The following RPTOR variants were observed in gnomAD, a reference collection of about 807,000 sequenced individuals.
RPTOR encodes the protein regulatory-associated protein of mTOR.
Under a neutral mutation model 169.9 loss-of-function variants are expected in RPTOR, and 21 were observed. That is an observed-to-expected ratio of 0.12 (90% CI 0.09 to 0.18). RPTOR has a LOEUF of 0.18. Ranked by LOEUF, RPTOR falls within the 10% of genes least tolerant of loss-of-function variation. RPTOR has a pLI of 1.00. For synonymous variants in RPTOR, 732 were observed against 753.2 expected, an observed-to-expected ratio of 0.97 and a Z score of 0.46; for missense variants, 1,133 against 1,855.9, an observed-to-expected ratio of 0.61 and a Z score of 7.16.
intron 28 of RPTOR, among the ~76,000 whole-genome samples, chr17:80,950,544 CA>C (rs200486266): frequency 2.6e-5 from 4 of 151,666 alleles, no homozygotes; most frequent in South Asian, 2.1e-4. Flanking sequence ...TTTCATCCAG[CA>C]AAAAAAATCA....
At chr17:80,597,324 A>G (rs1048785131) in intron 1 of RPTOR, among the ~76,000 whole-genome samples, 13 of 152,144 alleles carry the variant, frequency 8.5e-5, no homozygotes, top group Non-Finnish European at 1.8e-4. Context: ...GAAACCGAGC[A>G]TGGCTTTTTC....
intron 14 of RPTOR, 90 bp from the exon 15 acceptor site, chr17:80,883,328 CA>C (rs769874832): frequency 3.5e-6 from 4 of 1,138,762 alleles, no homozygotes; most frequent in Non-Finnish European, 5.3e-6. Flanking sequence ...CCACGCGTGT[CA>C]TGAAGATTCC....
chr17:80,556,761 C>G (rs1428593433), intron 1 of RPTOR, among the ~76,000 whole-genome samples: 3 of 144,702 alleles, frequency 2.1e-5, no homozygotes, highest in Non-Finnish European at 4.5e-5. Flanking sequence ...TCAGGAGTCA[C>G]AAAGAGACCA....
intron 6 of RPTOR, among the ~76,000 whole-genome samples, chr17:80,778,838 G>A (rs569969285): frequency 1.4e-4 from 22 of 152,278 alleles, no homozygotes; most frequent in African/African-American, 4.1e-4. Flanking sequence ...GGATCAGGAC[G>A]GTAAAATCAC....
chr17:80,760,182 C>T (rs2066720434), intron 6 of RPTOR, among the ~76,000 whole-genome samples: 1 of 152,028 alleles, frequency 6.6e-6, no homozygotes, highest in South Asian at 2.1e-4. Flanking sequence ...GGGGCAGACG[C>T]ACTTGGGTTA....
intron 4 of RPTOR, among the ~76,000 whole-genome samples, chr17:80,727,081 A>G (rs1367198844): frequency 6.6e-6 from 1 of 151,850 alleles, no homozygotes; most frequent in Non-Finnish European, 1.5e-5. Context: ...GTGCTCCGAG[A>G]ACGTGGACGC....
rs796246920 is a variant in RPTOR at position 80,940,955 on chromosome 17, C to T, written c.3025+354C>T. Among the ~76,000 whole-genome samples, 9 of 152,348 alleles carry T rather than the reference C, an allele frequency of 5.9e-5. 1 individual carries two copies. Among genetic ancestry groups the T allele is most frequent in the African/African-American group, 2.2e-4 (9 of 41,580 alleles). Reference sequence around the variant, plus strand: ...GCAGGTGGAACTCATGGAGGCGGAACTTTGCATGTTGACATTTCCGGAAGG... The same window carrying T: ...GCAGGTGGAACTCATGGAGGCGGAATTTTGCATGTTGACATTTCCGGAAGG... On this transcript the variant is annotated intron_variant, in intron 25 of 33. Transcript: ENST00000306801.
chr17:80,680,493 C>T (rs1023009733), intron 3 of RPTOR, among the ~76,000 whole-genome samples: 7 of 152,022 alleles, frequency 4.6e-5, no homozygotes, highest in Non-Finnish European at 8.8e-5. Flanking sequence ...ATTAGCTGGG[C>T]GCAGTGGCAG....
Position 80,820,221 on chromosome 17 carries a change from C to T in RPTOR, c.891-1980C>T, listed in dbSNP as rs545117852. On this transcript the variant is annotated intron_variant, in intron 7 of 33. Coordinates refer to ENST00000306801, the MANE Select transcript of RPTOR (RefSeq NM_020761.3). This position sits in a 1 kb window ranked among gnomAD's most constrained non-coding sequence, Gnocchi z 4.1. ...TTTGGTAAGGAGGGCAGGCAGCGCT[C>T]GGTGACAGTCCTGCAGCTTGAAAGA... 1.7e-4 allele frequency among the ~76,000 whole-genome samples: 26 copies of T among 151,012 alleles called. No individual in the cohort carries two copies. The highest frequency in any genetic ancestry group is 6.1e-4 in the African/African-American group (25 of 41,142).
In RPTOR at chr17:80,965,907, C is replaced by T. The variant is rs2069422258; in HGVS notation, c.*1577C>T. ...CCACGTCTGGGCCGAGAAAGCAGCC[C>T]GGGTCCGGAAGGTGTAGAGAGTCCC... On this transcript the variant is annotated 3_prime_UTR_variant, in exon 34 of 34. Transcript: ENST00000306801. The T allele has an allele frequency of 4.3e-6, 1 of 233,330 alleles. No homozygotes were observed. Among genetic ancestry groups the T allele is most frequent in the Non-Finnish European group, 8.5e-6 (1 of 118,080 alleles). The allele number at this position is 233,330 out of a possible 1,614,324, so 14.5% of individuals were successfully genotyped here. A position where few individuals can be genotyped will look rare whatever the true frequency, so the allele number is the denominator to read the frequency against.
chr17:80,887,548 G>A (rs1045012538), intron 17 of RPTOR, among the ~76,000 whole-genome samples: 4 of 152,188 alleles, frequency 2.6e-5, no homozygotes, highest in Admixed American at 6.5e-5. Flanking sequence ...GCGTGGAGCC[G>A]GCCCCATTCT....
Position 80,923,678 on chromosome 17 carries a change from G to T in RPTOR, c.2808+5G>T. ...TTCGACAAGGGCCCAGAGCAGGTAC[G>T]GGAGCCCGGCTGCCTGGTGATCTGG... On this transcript the variant is annotated splice_donor_5th_base_variant and intron_variant, in intron 23 of 33. Coordinates refer to ENST00000306801, the MANE Select transcript of RPTOR (RefSeq NM_020761.3). 1 of 1,581,762 alleles carries T rather than the reference G, an allele frequency of 6.3e-7. No individual in the cohort carries two copies. The highest frequency in any genetic ancestry group is 8.6e-7 in the Non-Finnish European group (1 of 1,160,528).
At position 80,822,235 on chromosome 17, in the gene RPTOR, C is replaced by G. The variant is rs2067387218; in HGVS notation, c.925C>G (p.Leu309Val). 1 of 1,614,106 alleles carries G rather than the reference C, an allele frequency of 6.2e-7. No individual in the cohort carries two copies. The highest frequency in any genetic ancestry group is 8.5e-7 in the Non-Finnish European group (1 of 1,180,034). Residue 309 changes from leucine to valine, a missense_variant, in exon 8 of 34, where the codon CTG (leucine) becomes GTG (valine). Physicochemically the swap from Leu to Val is conservative, Grantham distance 32. Around this residue, in one of 9 missense-constraint regions of RPTOR, gnomAD observed 289 missense variants for 585.8 expected, o/e 0.49. Transcript: ENST00000306801. Reference protein sequence around the residue: ...PGRLNDRRTPLGELNWIFTAI... With the variant: ...PGRLNDRRTPVGELNWIFTAI... The stretch of plus-strand genomic sequence containing the variant: ...CCGCCTGAACGACAGGAGGACGCCC[C>G]TGGGTGAACTGAACTGGATCTTCAC...
At position 80,754,945 on chromosome 17, in the gene RPTOR, T is replaced by C. The variant is rs2066665428; in HGVS notation, c.830+760T>C. Among the ~76,000 whole-genome samples, 1 of 152,228 alleles carries C rather than the reference T, an allele frequency of 6.6e-6. No individual in the cohort carries two copies. The highest frequency in any genetic ancestry group is 2.1e-4 in the South Asian group (1 of 4,830). ...CCGTGCTGTCGGCCGAGGACACTCT[T>C]GAGGCTTCTGTCAAGATGGCCTAAC... On this transcript the variant is annotated intron_variant, in intron 6 of 33. Transcript: ENST00000306801. This position sits in a 1 kb window ranked among gnomAD's most constrained non-coding sequence, Gnocchi z 4.2.
At chr17:80,614,893 G>T (rs1471404127) in intron 1 of RPTOR, among the ~76,000 whole-genome samples, 1 of 152,196 alleles carries the variant, frequency 6.6e-6, no homozygotes, top group Non-Finnish European at 1.5e-5. Flanking sequence ...CCAGGACTTG[G>T]AGGAAACTGC....
intron 17 of RPTOR, among the ~76,000 whole-genome samples, chr17:80,890,074 G>A (rs2068300870): frequency 6.8e-6 from 1 of 148,138 alleles, no homozygotes. Flanking sequence ...GTGTGTTCAG[G>A]AGTGAGGGAT....
intron 1 of RPTOR, among the ~76,000 whole-genome samples, chr17:80,578,217 G>T (rs189997389): frequency 6.6e-6 from 1 of 152,266 alleles, no homozygotes; most frequent in African/African-American, 2.4e-5. Flanking sequence ...TGAGTGGTTG[G>T]GGGGGTGGTA....
intron 1 of RPTOR, chr17:80,593,666 A>G (rs1393672610): frequency 1.3e-5 from 2 of 152,374 alleles, no homozygotes; most frequent in East Asian, 3.8e-4. Context: ...ATACAATTGC[A>G]AAGGTGAGAA....
At chr17:80,554,742 T>TCAAAACAAAA (rs147306840) in intron 1 of RPTOR, among the ~76,000 whole-genome samples, 11,632 of 143,732 alleles carry the variant, frequency 0.081, 588 homozygotes, top group East Asian at 0.25. Context: ...AGACTCTGTC[T>TCAAAACAAAA]CAAAACAAAA....
Sources: gnomAD v4.1 joint callset for allele counts (sites outside exome capture counted in the v4.1 genomes callset) on GRCh38, gnomAD v4.1.1 for gene constraint, gnomAD v4.1.1 regional missense constraint, Gnocchi (gnomAD v3.1) non-coding constraint, MANE v1.5 for transcripts, NCBI Gene and HGNC (gene_info 2026-07-23, HGNC 2026-07-21) for gene names.